Variants in NCAM2 observed in about 807,000 individuals in gnomAD.
NCAM2 encodes the protein N-CAM-2.
A neutral mutation model predicts 98.1 loss-of-function variants in NCAM2; 30 were observed. The observed-to-expected ratio is 0.31, with a 90% CI of 0.23 to 0.41. NCAM2 has a LOEUF of 0.41. Ranked by LOEUF, NCAM2 falls within the 10% of genes least tolerant of loss-of-function variation. NCAM2 has a pLI of 1.00. For missense variants in NCAM2, 867 were observed against 1,005.8 expected (o/e 0.86, Z 1.87); for synonymous variants, 368 against 342.4 (o/e 1.07, Z -0.83).
chr21:21,111,682 G>A (rs1350998628), intron 1 of NCAM2, among the ~76,000 whole-genome samples: 1 of 152,148 alleles, frequency 6.6e-6, no homozygotes, highest in Non-Finnish European at 1.5e-5. Context: ...TTTGGTGGAA[G>A]GGGAAAGGTT....
At chr21:21,329,118 C>A (rs1249195668) in intron 6 of NCAM2, among the ~76,000 whole-genome samples, 1 of 151,940 alleles carries the variant, frequency 6.6e-6, no homozygotes, top group East Asian at 1.9e-4. Context: ...CCATGCCCGG[C>A]TAATTTTTGT....
At chr21:20,999,466 ACACT>A (rs2063979792) in intron 1 of NCAM2, among the ~76,000 whole-genome samples, 2 of 152,292 alleles carry the variant, frequency 1.3e-5, no homozygotes, top group South Asian at 4.1e-4. Flanking sequence ...TAGATAGTAA[ACACT>A]CACATGAAAT....
In NCAM2 at chr21:21,466,737, T is replaced by A. The variant is rs1983731915; in HGVS notation, c.1774+12T>A. The A allele has an allele frequency of 1.3e-6, 2 of 1,590,628 alleles. No homozygotes were observed. The highest frequency in any genetic ancestry group is 2.7e-5 in the African/African-American group (2 of 73,494). ...AACATTACCAGTTCGTAAGTAATCA[T>A]CTCTATTTTTTATTCTCTTTTGTCA... On this transcript the variant is annotated intron_variant, in intron 13 of 17. Coordinates refer to ENST00000400546, the MANE Select transcript of NCAM2 (RefSeq NM_004540.5).
At chr21:21,385,395 C>CAT (rs1555885250) in intron 9 of NCAM2, among the ~76,000 whole-genome samples, 39 of 150,672 alleles carry the variant, frequency 2.6e-4, no homozygotes, top group Admixed American at 6.6e-4. Flanking sequence ...CACACACACA[C>CAT]ACACGCACAC....
At chr21:21,441,648 G>A (rs941716630) in intron 12 of NCAM2, among the ~76,000 whole-genome samples, 4 of 152,142 alleles carry the variant, frequency 2.6e-5, no homozygotes, top group Admixed American at 6.6e-5. Context: ...AAGGTTGGGA[G>A]ACTTAGCAAT....
intron 1 of NCAM2, among the ~76,000 whole-genome samples, chr21:21,043,723 C>T (rs1568960179): frequency 2.6e-5 from 4 of 151,256 alleles, no homozygotes; most frequent in Admixed American, 6.6e-5. Context: ...GGCGTGGTGG[C>T]GGGCGCCTGT....
chr21:21,323,633 AC>A (rs1818205231), intron 5 of NCAM2, among the ~76,000 whole-genome samples: 2 of 152,164 alleles, frequency 1.3e-5, no homozygotes, highest in African/African-American at 4.8e-5. Flanking sequence ...TTTATTGCAA[AC>A]AGTGCATTTC....
Position 21,292,159 on chromosome 21 carries a change from T to G in NCAM2, c.537T>G (p.Ser179Arg). 1 of 1,610,912 alleles carries G rather than the reference T, an allele frequency of 6.2e-7. No homozygotes were observed. The highest frequency in any genetic ancestry group is 8.5e-7 in the Non-Finnish European group (1 of 1,178,182). The change falls in exon 5 of 18, where the codon AGT becomes AGG. Residue 179 changes from serine (S) to arginine (R), a missense_variant. Coordinates refer to ENST00000400546, the MANE Select transcript of NCAM2 (RefSeq NM_004540.5). ...TGCAGATTCTCAACATCAATAAAAG[T>G]GATGAAGGTATATACAGATGTGAAG... is the stretch of plus-strand genomic sequence containing the variant. ...NNLQILNINK[S>R]DEGIYRCEGR...
At chr21:21,298,188 A>G (rs2073562978) in intron 5 of NCAM2, among the ~76,000 whole-genome samples, 1 of 151,782 alleles carries the variant, frequency 6.6e-6, no homozygotes, top group Non-Finnish European at 1.5e-5. Context: ...AAGTTAAGTC[A>G]AAATTTTCTC....
intron 5 of NCAM2, among the ~76,000 whole-genome samples, chr21:21,310,422 G>A (rs184878628): frequency 1.2e-4 from 19 of 152,238 alleles, no homozygotes; most frequent in Non-Finnish European, 1.2e-4. Flanking sequence ...AATACTTTGG[G>A]TAGATCAGAG....
At chr21:21,111,122 C>T (rs570143294) in intron 1 of NCAM2, among the ~76,000 whole-genome samples, 1 of 152,158 alleles carries the variant, frequency 6.6e-6, no homozygotes, top group African/African-American at 2.4e-5. Flanking sequence ...AGTATGTTTA[C>T]TTTTACTTAT....
intron 1 of NCAM2, among the ~76,000 whole-genome samples, chr21:21,039,343 C>A (rs2064857643): frequency 1.3e-5 from 2 of 152,130 alleles, no homozygotes; most frequent in South Asian, 4.1e-4. Context: ...CCTTAATAAT[C>A]CACCATTGGG....
intron 5 of NCAM2, among the ~76,000 whole-genome samples, chr21:21,303,865 A>T (rs905922998): frequency 2.0e-5 from 3 of 152,238 alleles, no homozygotes; most frequent in African/African-American, 7.2e-5. Context: ...CATTTCCCTA[A>T]TGCCTCAGGA....
At chr21:21,477,056 G>A (rs1251472339) in intron 14 of NCAM2, among the ~76,000 whole-genome samples, 1 of 151,536 alleles carries the variant, frequency 6.6e-6, no homozygotes, top group Non-Finnish European at 1.5e-5. Flanking sequence ...ACTGAATAAA[G>A]GATTAATGAC....
intron 10 of NCAM2, among the ~76,000 whole-genome samples, chr21:21,412,657 T>C (rs2076911217): frequency 6.6e-6 from 1 of 152,176 alleles, no homozygotes; most frequent in Admixed American, 6.5e-5. Context: ...AATTTTTGCC[T>C]ACTTGACACA....
chr21:21,050,617 A>G (rs1190290140), intron 1 of NCAM2, among the ~76,000 whole-genome samples: 1 of 152,114 alleles, frequency 6.6e-6, no homozygotes, highest in Admixed American at 6.6e-5. Flanking sequence ...TTCTTTATTC[A>G]TCTTCGGATT....
At chr21:21,487,105 A>C (rs1986454297) in intron 15 of NCAM2, among the ~76,000 whole-genome samples, 1 of 152,126 alleles carries the variant, frequency 6.6e-6, no homozygotes, top group South Asian at 2.1e-4. Flanking sequence ...CTAAACAATA[A>C]AGCTATTGCA....
chr21:21,543,047 G>T lies in NCAM2; in HGVS notation c.*5090G>T, dbSNP rs1311130033. The T allele has an allele frequency of 6.6e-6, 1 of 151,678 alleles. No individual in the cohort carries two copies. The highest frequency in any genetic ancestry group is 2.4e-5 in the African/African-American group (1 of 41,344). 9.4% of individuals were successfully genotyped at this position (151,678 alleles called of 1,614,324 possible). A position where few individuals can be genotyped will look rare whatever the true frequency, so the allele number is the denominator to read the frequency against. On this transcript the variant is annotated 3_prime_UTR_variant, in exon 18 of 18. Transcript: ENST00000400546. ...AGCTTTTTTGGTATGTGAACTGTAT[G>T]CTGTGCTCAGTATGTACTGAAACAT...
intron 16 of NCAM2, among the ~76,000 whole-genome samples, chr21:21,512,104 T>C (rs149545857): frequency 1.1e-4 from 16 of 152,136 alleles, no homozygotes; most frequent in Non-Finnish European, 2.2e-4. Context: ...CAGCTTGGTG[T>C]GATCCCATTT....
Sources: gnomAD v4.1 joint callset for allele counts (sites outside exome capture counted in the v4.1 genomes callset) on GRCh38, gnomAD v4.1.1 for gene constraint, MANE v1.5 for transcripts, NCBI Gene and HGNC (gene_info 2026-07-23, HGNC 2026-07-21) for gene names.